Variants in CHN2 observed in about 807,000 individuals in gnomAD.
CHN2 encodes chimerin 2, also known as beta-chimaerin.
A neutral mutation model predicts 56.3 loss-of-function variants in CHN2; 35 were observed. The observed-to-expected ratio is 0.62, with a 90% CI of 0.47 to 0.82. The LOEUF is 0.82. Ranked by LOEUF, CHN2 falls within the 40% of genes least tolerant of loss-of-function variation. The probability of loss-of-function intolerance (pLI) is 0.00; values close to 1 mark genes in which losing one functional copy is unlikely to be tolerated. For synonymous variants in CHN2, 210 were observed against 212.8 expected (o/e 0.99, Z 0.12); for missense variants, 491 against 580.5 (o/e 0.85, Z 1.58).
chr7:29,457,462 C>T (rs923876189), intron 6 of CHN2, among the ~76,000 whole-genome samples: 4 of 152,180 alleles, frequency 2.6e-5, no homozygotes, highest in Non-Finnish European at 4.4e-5. Flanking sequence ...ATTCTGGAAA[C>T]GGTCTGAGTG....
At chr7:29,178,530 T>C (rs556809319) in intron 2 of CHN2, among the ~76,000 whole-genome samples, 13 of 152,274 alleles carry the variant, frequency 8.5e-5, no homozygotes, top group Admixed American at 2.6e-4. Flanking sequence ...AAATGTCACA[T>C]CCTCCGAGAG....
chr7:29,487,702 CT>C (rs888816769), intron 7 of CHN2, among the ~76,000 whole-genome samples: 12 of 152,014 alleles, frequency 7.9e-5, no homozygotes, highest in Admixed American at 7.9e-4. Context: ...TTCTCTCCCC[CT>C]CCCTCCTTCC....
chr7:29,365,038 G>A (rs1799036135), intron 2 of CHN2, among the ~76,000 whole-genome samples: 1 of 152,322 alleles, frequency 6.6e-6, no homozygotes, highest in South Asian at 2.1e-4. Flanking sequence ...TTAACAGAAT[G>A]TCAAGAGTAT....
chr7:29,300,753 A>G (rs572909416), intron 1 of CHN2, among the ~76,000 whole-genome samples: 1 of 152,230 alleles, frequency 6.6e-6, no homozygotes, highest in Non-Finnish European at 1.5e-5. Flanking sequence ...ATATTTTCCA[A>G]AAGCCCCTTT....
chr7:29,367,051 C>T (rs1799222645), intron 2 of CHN2, among the ~76,000 whole-genome samples: 1 of 152,084 alleles, frequency 6.6e-6, no homozygotes, highest in South Asian at 2.1e-4. Flanking sequence ...ATTTCCTCTT[C>T]AGGATTCTGA....
chr7:29,187,364 T>TGA (rs905209565), intron 2 of CHN2, among the ~76,000 whole-genome samples: 6 of 151,826 alleles, frequency 4.0e-5, no homozygotes, highest in African/African-American at 1.5e-4. Flanking sequence ...TGTGTGTGTG[T>TGA]GACAAAGAGA....
chr7:29,493,685 T>C (rs1788910041), intron 7 of CHN2, among the ~76,000 whole-genome samples: 1 of 152,126 alleles, frequency 6.6e-6, no homozygotes, highest in African/African-American at 2.4e-5. Context: ...GGCCCACACT[T>C]CTACTGTCAG....
intron 7 of CHN2, among the ~76,000 whole-genome samples, chr7:29,488,175 GTGTC>G (rs368358992): frequency 1.9e-4 from 29 of 152,204 alleles, no homozygotes; most frequent in African/African-American, 7.0e-4. Context: ...GGAACTCAGA[GTGTC>G]TGTCATAGAT....
intron 2 of CHN2, among the ~76,000 whole-genome samples, chr7:29,182,898 A>G (rs1409009998): frequency 2.0e-5 from 3 of 152,134 alleles, no homozygotes; most frequent in African/African-American, 7.2e-5. Flanking sequence ...CTGCCTTTAA[A>G]TGGCTTGAGA....
chr7:29,503,769 A>G (rs541184923), intron 9 of CHN2, among the ~76,000 whole-genome samples: 1 of 152,362 alleles, frequency 6.6e-6, no homozygotes, highest in Non-Finnish European at 1.5e-5. Context: ...GTGAGTTATC[A>G]AGAGTTTGGC....
chr7:29,291,350 C>T (rs373798248), intron 1 of CHN2, among the ~76,000 whole-genome samples: 2 of 152,102 alleles, frequency 1.3e-5, no homozygotes. Context: ...ACTGCCTGAC[C>T]ATCACCTGAT....
chr7:29,282,915 A>T (rs930156081), intron 1 of CHN2, among the ~76,000 whole-genome samples: 2 of 152,238 alleles, frequency 1.3e-5, no homozygotes, highest in African/African-American at 4.8e-5. Flanking sequence ...GGAGAAGAAG[A>T]AGAAAATGAA....
At chr7:29,353,067 CTG>C (rs1022418420) in intron 1 of CHN2, among the ~76,000 whole-genome samples, 2 of 152,150 alleles carry the variant, frequency 1.3e-5, no homozygotes, top group Non-Finnish European at 2.9e-5. Flanking sequence ...AACGCACTGA[CTG>C]TGTGTGTGCC....
chr7:29,322,344 T>C lies in CHN2; in HGVS notation c.50-32281T>C, dbSNP rs560097214. On this transcript the variant is annotated intron_variant, in intron 1 of 12. Coordinates refer to ENST00000222792, the MANE Select transcript of CHN2 (RefSeq NM_004067.4). ...AAAGGTGGGATGTGGCTTTAACCCA[T>C]GACAATAGAGATTGGTAAAGAACCA... Among the ~76,000 whole-genome samples, 11 of 152,294 alleles carry C rather than the reference T, an allele frequency of 7.2e-5. No homozygotes were observed. The East Asian group carries it at 2.1e-3, about 29-fold the overall frequency.
intron 1 of CHN2, among the ~76,000 whole-genome samples, chr7:29,211,205 G>A (rs1001545955): frequency 2.0e-5 from 3 of 151,794 alleles, no homozygotes; most frequent in African/African-American, 7.3e-5. Context: ...TGAGGAGCTG[G>A]GACTAAAGGC....
intron 2 of CHN2, among the ~76,000 whole-genome samples, chr7:29,357,220 CT>C (rs1228437924): frequency 6.6e-6 from 1 of 152,162 alleles, no homozygotes; most frequent in African/African-American, 2.4e-5. Flanking sequence ...AATCATAAAA[CT>C]TTACTTGCAA....
intron 1 of CHN2, among the ~76,000 whole-genome samples, chr7:29,291,598 T>G (rs1308719885): frequency 6.6e-6 from 1 of 152,230 alleles, no homozygotes; most frequent in Non-Finnish European, 1.5e-5. Flanking sequence ...CTATGCATAG[T>G]TCAGTTGCAT....
chr7:29,259,749 A>T (rs1319167506), intron 1 of CHN2, among the ~76,000 whole-genome samples: 2 of 152,194 alleles, frequency 1.3e-5, no homozygotes, highest in African/African-American at 4.8e-5. Context: ...CAATGGAAAC[A>T]AAGTGTGGTG....
At chr7:29,390,298 T>C (rs1037165781) in intron 3 of CHN2, among the ~76,000 whole-genome samples, 2 of 152,172 alleles carry the variant, frequency 1.3e-5, no homozygotes, top group Non-Finnish European at 2.9e-5. Context: ...TTAAAAAGAA[T>C]GAGCTGCTTT....
Sources: gnomAD v4.1 joint callset for allele counts (sites outside exome capture counted in the v4.1 genomes callset) on GRCh38, gnomAD v4.1.1 for gene constraint, MANE v1.5 for transcripts, NCBI Gene and HGNC (gene_info 2026-07-23, HGNC 2026-07-21) for gene names.